ANO3: variants seen among roughly 807,000 people sequenced by gnomAD.
ANO3 encodes the protein anoctamin-3.
A neutral mutation model predicts 144.8 loss-of-function variants in ANO3; 99 were observed. The ratio of observed to expected loss-of-function variants is 0.68; its 90% CI spans 0.58 to 0.81. The LOEUF (loss-of-function observed/expected upper bound fraction) is 0.81, where lower values mean the gene tolerates loss of function less well. Ranked by LOEUF, ANO3 falls within the 30% of genes least tolerant of loss-of-function variation. The probability of loss-of-function intolerance (pLI) is 0.00; values close to 1 mark genes in which losing one functional copy is unlikely to be tolerated. For missense variants in ANO3, 905 were observed against 1,202.2 expected (o/e 0.75, Z 3.66); for synonymous variants, 414 against 392.6 (o/e 1.05, Z -0.64).
intron 17 of ANO3, among the ~76,000 whole-genome samples, chr11:26,618,213 A>T (rs1852315095): frequency 6.6e-6 from 1 of 152,114 alleles, no homozygotes; most frequent in Admixed American, 6.6e-5. Context: ...AGTTTAAATC[A>T]GTCAGACCTT....
At chr11:26,499,044 A>G (rs1003134844) in intron 4 of ANO3, among the ~76,000 whole-genome samples, 1 of 151,880 alleles carries the variant, frequency 6.6e-6, no homozygotes. Context: ...CAGTTGATGG[A>G]CTATTTTATT....
intron 13 of ANO3, among the ~76,000 whole-genome samples, chr11:26,554,914 C>A (rs1850041441): frequency 1.3e-5 from 2 of 152,006 alleles, no homozygotes; most frequent in Non-Finnish European, 2.9e-5. Context: ...ACATTTTGTG[C>A]ATTTTGGGGG....
chr11:26,594,153 A>G (rs1040121233), intron 14 of ANO3, among the ~76,000 whole-genome samples: 1 of 152,252 alleles, frequency 6.6e-6, no homozygotes, highest in East Asian at 1.9e-4. Flanking sequence ...GAATAATTCA[A>G]AGTCTTCTTC....
chr11:26,595,724 A>T (rs1398291041), intron 14 of ANO3, among the ~76,000 whole-genome samples: 1 of 152,062 alleles, frequency 6.6e-6, no homozygotes, highest in Admixed American at 6.5e-5. Flanking sequence ...CCTGTTAGGA[A>T]ATCTGCTGGG....
At chr11:26,220,393 A>T (rs1852118432) in intron 1 of ANO3, among the ~76,000 whole-genome samples, 1 of 152,170 alleles carries the variant, frequency 6.6e-6, no homozygotes, top group African/African-American at 2.4e-5. Flanking sequence ...TTGAAGAAGG[A>T]TCACTCACGA....
At chr11:26,640,716 A>G (rs753932967) in intron 21 of ANO3, among the ~76,000 whole-genome samples, 71 of 152,094 alleles carry the variant, frequency 4.7e-4, no homozygotes, top group Admixed American at 8.5e-4. Flanking sequence ...ATCAAATCCT[A>G]AGGGCACCAT....
intron 4 of ANO3, among the ~76,000 whole-genome samples, chr11:26,481,763 C>A (rs1860227068): frequency 1.3e-5 from 2 of 152,068 alleles, no homozygotes; most frequent in Non-Finnish European, 1.5e-5. Context: ...AATTAGGGAT[C>A]AGTTGTTGTT....
At chr11:26,475,834 C>T (rs758491821) in intron 4 of ANO3, among the ~76,000 whole-genome samples, 1 of 152,024 alleles carries the variant, frequency 6.6e-6, no homozygotes, top group Non-Finnish European at 1.5e-5. Context: ...TCAAATCTCA[C>T]ATTCTAAGAA....
intron 1 of ANO3, among the ~76,000 whole-genome samples, chr11:26,324,411 C>G (rs1157765618): frequency 6.6e-6 from 1 of 152,120 alleles, no homozygotes; most frequent in Non-Finnish European, 1.5e-5. Flanking sequence ...AGACCCTCAG[C>G]AAGAAGTGGA....
intron 24 of ANO3, among the ~76,000 whole-genome samples, chr11:26,651,706 C>T (rs1038933267): frequency 6.6e-6 from 1 of 151,710 alleles, no homozygotes; most frequent in Non-Finnish European, 1.5e-5. Flanking sequence ...ATAGATACAC[C>T]TCTGTGAAAA....
chr11:26,602,639 C>T lies in ANO3; in HGVS notation c.1836+2925C>T, dbSNP rs531181668. Among the ~76,000 whole-genome samples the T allele has an allele frequency of 1.2e-4, 17 of 144,710 alleles. No homozygotes were observed. The South Asian group carries it at 2.7e-3, about 23-fold the overall frequency. 94.9% of individuals were successfully genotyped at this position (144,710 alleles called of 152,430 possible). The stretch of plus-strand genomic sequence containing the variant: ...TGGTGGTGCACACCTGTAGTCTCAA[C>T]TACTCAGGAGGCTGAGGTGGGAGGG... On this transcript the variant is annotated intron_variant, in intron 17 of 26. Transcript: ENST00000256737.
intron 1 of ANO3, among the ~76,000 whole-genome samples, chr11:26,283,921 A>G: frequency 6.6e-6 from 1 of 152,226 alleles, no homozygotes; most frequent in East Asian, 1.9e-4. Flanking sequence ...TTAAGCTGAT[A>G]CCTGCAAGAT....
At chr11:26,376,197 T>C (rs1041357859) in intron 1 of ANO3, among the ~76,000 whole-genome samples, 1 of 152,128 alleles carries the variant, frequency 6.6e-6, no homozygotes, top group African/African-American at 2.4e-5. Flanking sequence ...GAAATAATTA[T>C]ACACATCCAT....
intron 17 of ANO3, among the ~76,000 whole-genome samples, chr11:26,615,449 C>CAA (rs1407071628): frequency 1.4e-5 from 2 of 146,840 alleles, no homozygotes; most frequent in African/African-American, 5.1e-5. Context: ...GGTGTCTTCA[C>CAA]AAAAACACGG....
intron 1 of ANO3, among the ~76,000 whole-genome samples, chr11:26,245,781 T>G (rs1205486250): frequency 1.3e-5 from 2 of 152,214 alleles, no homozygotes; most frequent in Admixed American, 6.5e-5. Context: ...TATACCCTAC[T>G]TCTTTGGGGA....
At chr11:26,462,132 T>G (rs1377904997) in intron 3 of ANO3, among the ~76,000 whole-genome samples, 2 of 151,976 alleles carry the variant, frequency 1.3e-5, no homozygotes, top group South Asian at 2.1e-4. Flanking sequence ...AACAAAATTG[T>G]TTTTCCTCTG....
At chr11:26,266,225 T>C (rs1484827712) in intron 1 of ANO3, among the ~76,000 whole-genome samples, 1 of 152,086 alleles carries the variant, frequency 6.6e-6, no homozygotes, top group African/African-American at 2.4e-5. Flanking sequence ...CAGCATTCAG[T>C]TTCTCAGAGA....
chr11:26,638,916 G>T (rs1853054815), intron 20 of ANO3, among the ~76,000 whole-genome samples: 1 of 152,118 alleles, frequency 6.6e-6, no homozygotes, highest in Admixed American at 6.6e-5. Flanking sequence ...CTAAAAGTTA[G>T]ATTTTTTGTT....
chr11:26,460,269 T>G (rs945170849), intron 3 of ANO3: 1 of 296,240 alleles, frequency 3.4e-6, no homozygotes. Flanking sequence ...AAAATTTTCT[T>G]TGCTTTCCAA....
Sources: allele counts gnomAD v4.1 joint callset (sites outside exome capture counted in the v4.1 genomes callset), GRCh38; gene constraint gnomAD v4.1.1; transcripts MANE v1.5; gene names NCBI Gene and HGNC (gene_info 2026-07-23, HGNC 2026-07-21).